Variants in SCAI observed in about 807,000 individuals in gnomAD.
SCAI encodes protein SCAI.
A neutral mutation model predicts 92.2 loss-of-function variants in SCAI; 24 were observed. The ratio of observed to expected loss-of-function variants is 0.26; its 90% CI spans 0.19 to 0.37. SCAI has a LOEUF of 0.37. SCAI is among the 10% of genes least tolerant of loss of function. The pLI is 1.00. For synonymous variants in SCAI, 261 were observed against 258.6 expected (o/e 1.01, Z -0.09); for missense variants, 450 against 736.2 (o/e 0.61, Z 4.50).
chr9:125,142,250 C>T (rs76651748), intron 2 of SCAI: 6,766 of 176,336 alleles, frequency 0.038, 372 homozygotes, highest in East Asian at 0.22. Context: ...GATCCTCCTG[C>T]CTCAGCCTCC....
intron 3 of SCAI, among the ~76,000 whole-genome samples, chr9:125,041,517 C>G (rs943279497): frequency 3.9e-5 from 6 of 152,098 alleles, no homozygotes; most frequent in Non-Finnish European, 7.4e-5. Flanking sequence ...CTTTGAGTTT[C>G]CAAAACTGAT....
chr9:125,058,907 A>C (rs1444747520), intron 2 of SCAI, among the ~76,000 whole-genome samples: 6 of 152,234 alleles, frequency 3.9e-5, no homozygotes, highest in Non-Finnish European at 8.8e-5. Flanking sequence ...CACTGGCCAA[A>C]CAGGGTAATT....
intron 2 of SCAI, among the ~76,000 whole-genome samples, chr9:125,105,839 C>G (rs1166875143): frequency 6.6e-6 from 1 of 151,734 alleles, no homozygotes; most frequent in Non-Finnish European, 1.5e-5. Flanking sequence ...TGGCTCACGC[C>G]TGTAATCCCA....
chr9:125,142,566 C>A, intron 2 of SCAI, 67 bp downstream of exon 2: 1 of 1,110,060 alleles, frequency 9.0e-7, no homozygotes, highest in South Asian at 1.3e-5. Context: ...TACAATTATG[C>A]AGTACGGCAC....
At chr9:125,065,575 C>T (rs1475923849) in intron 2 of SCAI, among the ~76,000 whole-genome samples, 1 of 152,188 alleles carries the variant, frequency 6.6e-6, no homozygotes, top group Non-Finnish European at 1.5e-5. Context: ...GAACATTCCT[C>T]AGCTCATTTT....
chr9:125,131,973 A>G (rs1264273547), intron 2 of SCAI, among the ~76,000 whole-genome samples: 3 of 152,170 alleles, frequency 2.0e-5, no homozygotes, highest in Admixed American at 2.0e-4. Flanking sequence ...TGGACAGATT[A>G]ACACTGCAGA....
intron 14 of SCAI, among the ~76,000 whole-genome samples, chr9:124,991,131 T>C (rs1342481148): frequency 6.6e-6 from 1 of 152,104 alleles, no homozygotes; most frequent in East Asian, 1.9e-4. Flanking sequence ...GGTGGGTGGA[T>C]CACCTGAGGT....
chr9:124,982,424 C>G (rs1410405719), intron 14 of SCAI, among the ~76,000 whole-genome samples: 1 of 152,072 alleles, frequency 6.6e-6, no homozygotes, highest in Non-Finnish European at 1.5e-5. Flanking sequence ...GTAATCGCAG[C>G]ATTTTGGGAG....
intron 2 of SCAI, among the ~76,000 whole-genome samples, chr9:125,086,682 G>A (rs1486508004): frequency 6.6e-6 from 1 of 152,182 alleles, no homozygotes; most frequent in Admixed American, 6.5e-5. Flanking sequence ...GTAGTCTACA[G>A]AGGCAGACAG....
chr9:125,003,406 G>A (rs143947136), intron 10 of SCAI, 63 bp downstream of exon 10: 12 of 1,156,522 alleles, frequency 1.0e-5, no homozygotes, highest in African/African-American at 6.1e-5. Context: ...AATAATCAGC[G>A]TTCCAACAGG....
chr9:125,108,559 C>G (rs1158014781), intron 2 of SCAI, among the ~76,000 whole-genome samples: 2 of 146,194 alleles, frequency 1.4e-5, no homozygotes, highest in Non-Finnish European at 3.1e-5. Flanking sequence ...CTCTGCCCAG[C>G]CGCCCCGTCT....
At chr9:125,115,777 G>C (rs1835033288) in intron 2 of SCAI, among the ~76,000 whole-genome samples, 1 of 152,190 alleles carries the variant, frequency 6.6e-6, no homozygotes, top group Non-Finnish European at 1.5e-5. Flanking sequence ...TCCAATAGGA[G>C]AGGGAAGGAG....
At chr9:125,057,591 T>G (rs903579128) in intron 2 of SCAI, among the ~76,000 whole-genome samples, 3 of 152,184 alleles carry the variant, frequency 2.0e-5, no homozygotes, top group Non-Finnish European at 2.9e-5. Context: ...ACAGGGTACC[T>G]GCATGGTTGT....
At chr9:125,061,035 C>A (rs533363710) in intron 2 of SCAI, among the ~76,000 whole-genome samples, 1 of 152,178 alleles carries the variant, frequency 6.6e-6, no homozygotes, top group Admixed American at 6.5e-5. Context: ...CGGTGGCTCA[C>A]GCCTGTAATC....
In SCAI at chr9:125,026,841, T is replaced by C. The variant is rs749071578; in HGVS notation, c.483A>G (p.Ser161=). The C allele has an allele frequency of 1.9e-6, 3 of 1,598,852 alleles. No homozygotes were observed. Among genetic ancestry groups the C allele is most frequent in the Admixed American group, 3.4e-5 (2 of 59,496 alleles). The change falls in exon 6 of 18, where the codon TCA becomes TCG. Residue 161 remains serine, a synonymous_variant. Transcript: ENST00000336505. ...FSFYSAIRQR[S]YYSQVNKEDR... ...CCTCTTTATTGACTTGAGAATAATA[T>C]GATCTCTGTCTGATTGCAGAATAGA...
intron 13 of SCAI, among the ~76,000 whole-genome samples, chr9:124,997,095 C>T (rs1425066025): frequency 6.6e-6 from 1 of 152,148 alleles, no homozygotes. Context: ...TCAGATTCCA[C>T]ATATAAGTGA....
chr9:125,069,475 G>A (rs554343292), intron 2 of SCAI, among the ~76,000 whole-genome samples: 80 of 145,338 alleles, frequency 5.5e-4, no homozygotes, highest in African/African-American at 1.8e-3. Context: ...CCACCACCAC[G>A]CCCGGCTAAT....
chr9:124,968,300 G>A lies in SCAI; in HGVS notation c.1674+3070C>T, dbSNP rs758759164. On this transcript the variant is annotated intron_variant, in intron 17 of 17. Transcript: ENST00000336505. ...CTTAAAACCGGGCTGGGCATCAAGC[G>A]TCTTCTCCAGAATAGGCCAAGGAAG... 48 of 1,193,538 alleles carry A rather than the reference G, an allele frequency of 4.0e-5. No individual in the cohort carries two copies. The African/African-American group carries it at 5.1e-4, about 13-fold the overall frequency. 73.9% of individuals were successfully genotyped at this position (1,193,538 alleles called of 1,614,324 possible). A position where few individuals can be genotyped will look rare whatever the true frequency, so the allele number is the denominator to read the frequency against.
chr9:124,968,262 A>G, intron 17 of SCAI: 1 of 1,118,402 alleles, frequency 8.9e-7, no homozygotes, highest in Non-Finnish European at 1.3e-6. Flanking sequence ...TTGGCCTGAC[A>G]GCTTTTAATA....
Sources: allele counts gnomAD v4.1 joint callset (sites outside exome capture counted in the v4.1 genomes callset), GRCh38; gene constraint gnomAD v4.1.1; transcripts MANE v1.5; gene names NCBI Gene and HGNC (gene_info 2026-07-23, HGNC 2026-07-21).